Variants in ZBTB16 observed in about 807,000 individuals in gnomAD.
ZBTB16 encodes zinc finger and BTB domain-containing protein 16.
Under a neutral mutation model 56.8 loss-of-function variants are expected in ZBTB16, and 8 were observed. The ratio of observed to expected loss-of-function variants is 0.14; its 90% confidence interval spans 0.08 to 0.25. The LOEUF is 0.25. Ranked by LOEUF, ZBTB16 falls within the 10% of genes least tolerant of loss-of-function variation. The probability of loss-of-function intolerance (pLI) is 1.00; values close to 1 mark genes in which losing one functional copy is unlikely to be tolerated. For missense variants in ZBTB16, 625 were observed against 903.0 expected, an observed-to-expected ratio of 0.69 and a Z score of 3.95; for synonymous variants, 363 against 368.5, an observed-to-expected ratio of 0.98 and a Z score of 0.17.
chr11:114,210,162 A>AGT (rs139074973), intron 4 of ZBTB16, among the ~76,000 whole-genome samples: 33,811 of 134,568 alleles, frequency 0.25, 4,198 homozygotes, highest in Admixed American at 0.32. Flanking sequence ...AGCCAAAGCT[A>AGT]GTGTGTGTGT....
At chr11:114,229,296 G>A (rs930691343) in intron 4 of ZBTB16, among the ~76,000 whole-genome samples, 5 of 152,162 alleles carry the variant, frequency 3.3e-5, no homozygotes, top group African/African-American at 9.7e-5. Flanking sequence ...CTAATTATCC[G>A]TTTTTACTCC....
chr11:114,179,891 G>A (rs1255068472), intron 3 of ZBTB16, among the ~76,000 whole-genome samples: 2 of 152,114 alleles, frequency 1.3e-5, no homozygotes, highest in Non-Finnish European at 2.9e-5. Flanking sequence ...GGGGGAGAGG[G>A]CAGCTGCAGG....
intron 4 of ZBTB16, among the ~76,000 whole-genome samples, chr11:114,212,942 C>T (rs1240167662): frequency 2.0e-5 from 3 of 152,040 alleles, no homozygotes; most frequent in Non-Finnish European, 4.4e-5. Context: ...CCTCCCTCAA[C>T]CTTCATCACT....
At chr11:114,212,784 C>T (rs1252994067) in intron 4 of ZBTB16, among the ~76,000 whole-genome samples, 3 of 152,100 alleles carry the variant, frequency 2.0e-5, no homozygotes, top group Non-Finnish European at 4.4e-5. Flanking sequence ...CCTGAGGGAC[C>T]ACCTGGCTTA....
intron 5 of ZBTB16, among the ~76,000 whole-genome samples, chr11:114,244,635 T>C (rs964399009): frequency 1.3e-5 from 2 of 151,660 alleles, no homozygotes; most frequent in South Asian, 4.1e-4. Context: ...TTCTTTCTTT[T>C]TTTTTTGTTG....
At position 114,242,067 on chromosome 11, in the gene ZBTB16, T is replaced by C. The variant is rs1206183303; in HGVS notation, c.1454-100T>C. The C allele has an allele frequency of 2.2e-5, 33 of 1,487,668 alleles. 1 individual carries two copies. In the South Asian group the frequency reaches 3.7e-4, roughly 17 times the overall value. 92.2% of individuals were successfully genotyped at this position (1,487,668 alleles called of 1,614,324 possible). A position where few individuals can be genotyped will look rare whatever the true frequency, so the allele number is the denominator to read the frequency against. On this transcript the variant is annotated intron_variant, in intron 4 of 6. Coordinates refer to ENST00000335953, the MANE Select transcript of ZBTB16 (RefSeq NM_006006.6). ...GGATTTGCCCCTGAGCATGGGGATT[T>C]GGAGGTGTGAGTCCCGACACTGGCT...
chr11:114,178,354 C>A (rs926085647), intron 3 of ZBTB16, among the ~76,000 whole-genome samples: 4 of 152,166 alleles, frequency 2.6e-5, no homozygotes, highest in Non-Finnish European at 4.4e-5. Flanking sequence ...CCTCAACCAA[C>A]CCTGTGGCAT....
rs1371866215 is a variant in ZBTB16, at chr11:114,091,796, C to T, written c.1268+27228C>T. 2.0e-5 allele frequency among the ~76,000 whole-genome samples: 3 copies of T among 152,156 alleles called. No individual in the cohort carries two copies. The South Asian group carries it at 6.2e-4, about 32-fold the overall frequency. ...CTTCCCCTTGTTTTTGTCCACTTGG[C>T]TGGACAAAGAGAACAAAACCAAATG... is the stretch of plus-strand genomic sequence containing the variant. On this transcript the variant is annotated intron_variant, in intron 2 of 6. Transcript: ENST00000335953.
intron 2 of ZBTB16, among the ~76,000 whole-genome samples, chr11:114,145,128 C>T (rs1190248083): frequency 6.6e-6 from 1 of 152,148 alleles, no homozygotes; most frequent in Non-Finnish European, 1.5e-5. Flanking sequence ...TTTTGGGGGG[C>T]TTTTACAGCA....
At position 114,254,634 on chromosome 11, in the gene ZBTB16, TGA is replaced by T. The variant is rs146552673; in HGVS notation, c.*4082_*4083del. 4.9e-3 allele frequency among the ~76,000 whole-genome samples: 752 copies of T among 152,168 alleles called. 5 individuals are homozygous for T. The highest frequency in any genetic ancestry group is 0.016 in the African/African-American group (644 of 41,496). On this transcript the variant is annotated 3_prime_UTR_variant, in exon 7 of 7. Coordinates refer to ENST00000335953, the MANE Select transcript of ZBTB16 (RefSeq NM_006006.6). ...TGAAAACTGGGGGCGCACCAGGATGTGAGACAGAAAAGCAGAAGATGAGACTC... is the reference window on the plus strand; with the variant it reads ...TGAAAACTGGGGGCGCACCAGGATGTGACAGAAAAGCAGAAGATGAGACTC...
chr11:114,172,852 T>A (rs1943006412), intron 3 of ZBTB16, among the ~76,000 whole-genome samples: 2 of 151,998 alleles, frequency 1.3e-5, no homozygotes, highest in South Asian at 4.2e-4. Flanking sequence ...AAAAGACGAG[T>A]TTTGTTTTGT....
intron 4 of ZBTB16, chr11:114,210,719 T>C (rs1292726386): frequency 1.4e-5 from 3 of 218,748 alleles, no homozygotes; most frequent in East Asian, 1.3e-4. Flanking sequence ...AAGGCCATCA[T>C]TACCTTAGAG....
chr11:114,086,931 A>T (rs1296706358), intron 2 of ZBTB16, among the ~76,000 whole-genome samples: 1 of 152,142 alleles, frequency 6.6e-6, no homozygotes, highest in East Asian at 1.9e-4. Flanking sequence ...AGACTCCAGT[A>T]TTGGCTCCAT....
At chr11:114,186,702 G>A (rs966592472) in intron 3 of ZBTB16, among the ~76,000 whole-genome samples, 5 of 152,052 alleles carry the variant, frequency 3.3e-5, no homozygotes, top group African/African-American at 7.2e-5. Flanking sequence ...ACCCATTTCC[G>A]TTTATCTTGG....
chr11:114,235,095 AC>A (rs1008485742), intron 4 of ZBTB16, among the ~76,000 whole-genome samples: 2 of 151,956 alleles, frequency 1.3e-5, no homozygotes, highest in African/African-American at 4.8e-5. Context: ...AGGTTTTCAC[AC>A]CCTCCTAAAT....
At chr11:114,141,066 G>T (rs1028835902) in intron 2 of ZBTB16, among the ~76,000 whole-genome samples, 1 of 152,116 alleles carries the variant, frequency 6.6e-6, no homozygotes, top group African/African-American at 2.4e-5. Flanking sequence ...TACCGCCTCC[G>T]CAGGCTCCTC....
chr11:114,255,341 AGCCTAATTTTAGGAGGTT>A lies in ZBTB16; in HGVS notation c.*4790_*4807del, dbSNP rs1449299678. Among the ~76,000 whole-genome samples the A allele has an allele frequency of 6.6e-6, 1 of 152,096 alleles. No homozygotes were observed. The highest frequency in any genetic ancestry group is 2.4e-5 in the African/African-American group (1 of 41,412). ...AATGTCTACCTCAGCACCTCCTCTT[AGCCTAATTTTAGGAGGTT>A]GCCCAATTTTGTTTCTTCAATTTTA... is the stretch of plus-strand genomic sequence containing the variant. On this transcript the variant is annotated 3_prime_UTR_variant, in exon 7 of 7. Transcript: ENST00000335953.
intron 2 of ZBTB16, among the ~76,000 whole-genome samples, chr11:114,130,063 G>A (rs1365964581): frequency 6.6e-6 from 1 of 152,246 alleles, no homozygotes; most frequent in Non-Finnish European, 1.5e-5. Context: ...AGAGAGACAG[G>A]ATGCCCAGGG....
chr11:114,210,162 A>AGTGTGT (rs139074973), intron 4 of ZBTB16, among the ~76,000 whole-genome samples: 2,404 of 134,682 alleles, frequency 0.018, 35 homozygotes, highest in African/African-American at 0.038. Context: ...AGCCAAAGCT[A>AGTGTGT]GTGTGTGTGT....
Sources: allele counts gnomAD v4.1 joint callset (sites outside exome capture counted in the v4.1 genomes callset), GRCh38; gene constraint gnomAD v4.1.1; transcripts MANE v1.5; gene names NCBI Gene and HGNC (gene_info 2026-07-23, HGNC 2026-07-21).